INPP4B: variants seen among roughly 807,000 people sequenced by gnomAD.
INPP4B encodes inositol polyphosphate 4-phosphatase type II.
In INPP4B, 55 loss-of-function variants were observed where a neutral mutation model predicts 122.5. That is an observed-to-expected ratio of 0.45 (90% confidence interval 0.36 to 0.56). INPP4B has a LOEUF of 0.56. INPP4B is among the 20% of genes least tolerant of loss of function. INPP4B has a pLI of 0.00. For synonymous variants in INPP4B, 403 were observed against 388.7 expected, an observed-to-expected ratio of 1.04 and a Z score of -0.43; for missense variants, 1,000 against 1,097.7, an observed-to-expected ratio of 0.91 and a Z score of 1.26.
intron 12 of INPP4B, among the ~76,000 whole-genome samples, chr4:142,221,493 C>T (rs1014199300): frequency 6.8e-5 from 10 of 147,762 alleles, no homozygotes; most frequent in African/African-American, 2.5e-4. Context: ...CTGAGGAAAA[C>T]ACAAAACAAA....
At chr4:142,146,561 C>T (rs943776717) in intron 17 of INPP4B, among the ~76,000 whole-genome samples, 3 of 152,110 alleles carry the variant, frequency 2.0e-5, no homozygotes, top group Admixed American at 6.6e-5. Context: ...CTCTTCCAGC[C>T]CTTGGCAACC....
intron 2 of INPP4B, chr4:142,474,484 GT>G (rs1277471661): frequency 2.6e-5 from 4 of 151,578 alleles, no homozygotes; most frequent in Non-Finnish European, 5.9e-5. Context: ...CACAGGGTGA[GT>G]AACCACAGGG....
chr4:142,286,099 A>G (rs1753543499), intron 9 of INPP4B, among the ~76,000 whole-genome samples: 1 of 152,220 alleles, frequency 6.6e-6, no homozygotes, highest in Admixed American at 6.5e-5. Flanking sequence ...AAGTAATTAA[A>G]GCAAAGTTCA....
At chr4:142,671,194 T>G (rs1756939771) in intron 2 of INPP4B, among the ~76,000 whole-genome samples, 1 of 152,078 alleles carries the variant, frequency 6.6e-6, no homozygotes, top group South Asian at 2.1e-4. Context: ...TATAACCACC[T>G]TTTCTCTTGA....
At chr4:142,422,463 T>C (rs1807132531) in intron 5 of INPP4B, among the ~76,000 whole-genome samples, 7 of 151,806 alleles carry the variant, frequency 4.6e-5, no homozygotes, top group Admixed American at 4.6e-4. Context: ...GCCCAGAAAA[T>C]GGTAGTTCAG....
intron 5 of INPP4B, among the ~76,000 whole-genome samples, chr4:142,407,076 C>T (rs1019458864): frequency 5.9e-5 from 9 of 152,150 alleles, no homozygotes; most frequent in African/African-American, 1.4e-4. Flanking sequence ...ATAATGTCAA[C>T]GTATCACCGG....
chr4:142,767,355 G>A (rs1371929051), intron 1 of INPP4B, among the ~76,000 whole-genome samples: 1 of 152,074 alleles, frequency 6.6e-6, no homozygotes, highest in African/African-American at 2.4e-5. Flanking sequence ...GCCAAGACAA[G>A]TTTTAAACAT....
chr4:142,586,348 G>T (rs989947530), intron 2 of INPP4B, among the ~76,000 whole-genome samples: 1 of 151,808 alleles, frequency 6.6e-6, no homozygotes, highest in African/African-American at 2.4e-5. Flanking sequence ...CAACAACAAC[G>T]ACAACAACAA....
intron 25 of INPP4B, among the ~76,000 whole-genome samples, chr4:142,067,180 G>T (rs1224872768): frequency 3.3e-5 from 5 of 152,184 alleles, no homozygotes; most frequent in Non-Finnish European, 5.9e-5. Flanking sequence ...TTGCTGTTCT[G>T]CAGCCTCCGC....
intron 9 of INPP4B, among the ~76,000 whole-genome samples, chr4:142,274,858 AAAG>A (rs57100564): frequency 0.15 from 23,265 of 151,630 alleles, 1,830 homozygotes; most frequent in South Asian, 0.27. Context: ...GAGAGAAGTA[AAAG>A]ATAAGCAGTT....
intron 3 of INPP4B, among the ~76,000 whole-genome samples, chr4:142,436,368 T>G (rs919632095): frequency 2.6e-5 from 4 of 152,118 alleles, no homozygotes; most frequent in Admixed American, 1.3e-4. Context: ...AGAGCAGGTT[T>G]CCCTCCAGTG....
At chr4:142,468,418 A>G (rs1818213249) in intron 2 of INPP4B, among the ~76,000 whole-genome samples, 1 of 152,194 alleles carries the variant, frequency 6.6e-6, no homozygotes, top group East Asian at 1.9e-4. Flanking sequence ...CATGTAAGTC[A>G]GCAAATTCTG....
intron 24 of INPP4B, 135 bp from the exon 25 acceptor site, chr4:142,082,320 T>C (rs1774338722): frequency 4.9e-6 from 3 of 616,260 alleles, no homozygotes; most frequent in Non-Finnish European, 7.8e-6. Flanking sequence ...GTCAATTTGT[T>C]CAATCGGTCT....
At chr4:142,794,933 G>A (rs1345573262) in intron 1 of INPP4B, among the ~76,000 whole-genome samples, 2 of 140,658 alleles carry the variant, frequency 1.4e-5, no homozygotes, top group African/African-American at 2.7e-5. Context: ...CTTTTTTCAT[G>A]TTATATATAT....
At chr4:142,280,945 G>C (rs541996337) in intron 9 of INPP4B, among the ~76,000 whole-genome samples, 1 of 152,002 alleles carries the variant, frequency 6.6e-6, no homozygotes, top group East Asian at 1.9e-4. Flanking sequence ...CTGAATAGTA[G>C]GAAGCATTTC....
intron 1 of INPP4B, among the ~76,000 whole-genome samples, chr4:142,727,517 A>G (rs928248929): frequency 6.6e-6 from 1 of 152,238 alleles, no homozygotes; most frequent in Non-Finnish European, 1.5e-5. Context: ...TAATACATAG[A>G]GTTTTGAAGG....
At chr4:142,772,775 T>C (rs951059808) in intron 1 of INPP4B, among the ~76,000 whole-genome samples, 1 of 152,186 alleles carries the variant, frequency 6.6e-6, no homozygotes, top group South Asian at 2.1e-4. Context: ...CCAGGTGTGG[T>C]GGCACACGCC....
chr4:142,055,644 T>A (rs201709664), intron 25 of INPP4B, among the ~76,000 whole-genome samples: 1 of 45,816 alleles, frequency 2.2e-5, no homozygotes, highest in African/African-American at 3.6e-5. Flanking sequence ...TTAAGTGTTT[T>A]AAAAGCATTT....
chr4:142,149,340 T>C (rs1326077978), intron 17 of INPP4B, among the ~76,000 whole-genome samples: 1 of 152,208 alleles, frequency 6.6e-6, no homozygotes, highest in Non-Finnish European at 1.5e-5. Context: ...CATTAGCTAA[T>C]TTAATGTTCA....
Sources: gnomAD v4.1 joint callset for allele counts (sites outside exome capture counted in the v4.1 genomes callset) on GRCh38, gnomAD v4.1.1 for gene constraint, MANE v1.5 for transcripts, NCBI Gene and HGNC (gene_info 2026-07-23, HGNC 2026-07-21) for gene names.